Variants in TMEFF1 observed in about 807,000 individuals in gnomAD.
The protein encoded by TMEFF1 is tomoregulin-1.
TMEFF1 carries 20 observed loss-of-function variants against 47.5 expected under a neutral mutation model. The observed-to-expected ratio is 0.42, with a 90% CI of 0.30 to 0.61. TMEFF1 has a LOEUF of 0.61. TMEFF1 is among the 20% of genes least tolerant of loss of function. The pLI, the probability that TMEFF1 is intolerant of heterozygous loss-of-function variation, is 0.19. For synonymous variants in TMEFF1, 162 were observed against 166.3 expected (o/e 0.97, Z 0.20); for missense variants, 411 against 471.1 (o/e 0.87, Z 1.18).
intron 1 of TMEFF1, among the ~76,000 whole-genome samples, chr9:100,494,251 C>T (rs1442916809): frequency 2.7e-5 from 4 of 148,816 alleles, no homozygotes; most frequent in Admixed American, 6.7e-5. Flanking sequence ...AGAGCACCAG[C>T]AAGTCATGAT....
intron 5 of TMEFF1, among the ~76,000 whole-genome samples, chr9:100,526,795 T>G (rs1246021431): frequency 6.6e-6 from 1 of 151,530 alleles, no homozygotes; most frequent in African/African-American, 2.4e-5. Context: ...TTTTCTAGTC[T>G]CTGGATGACT....
At chr9:100,563,953 T>A (rs1211105889) in intron 8 of TMEFF1, among the ~76,000 whole-genome samples, 1 of 152,248 alleles carries the variant, frequency 6.6e-6, no homozygotes, top group Non-Finnish European at 1.5e-5. Flanking sequence ...CATGATATCA[T>A]GTGCACTTCT....
At chr9:100,479,080 G>A (rs1837289873) in intron 1 of TMEFF1, among the ~76,000 whole-genome samples, 2 of 152,172 alleles carry the variant, frequency 1.3e-5, no homozygotes, top group Admixed American at 6.5e-5. Flanking sequence ...GGATTCTTGG[G>A]AATAAAAGTG....
At chr9:100,495,663 A>G (rs1034586439) in intron 1 of TMEFF1, among the ~76,000 whole-genome samples, 1 of 152,318 alleles carries the variant, frequency 6.6e-6, no homozygotes, top group East Asian at 1.9e-4. Context: ...ATGAACACAC[A>G]TGAAACTAGC....
chr9:100,503,555 C>T (rs1837805387), intron 2 of TMEFF1, among the ~76,000 whole-genome samples: 1 of 151,780 alleles, frequency 6.6e-6, no homozygotes, highest in Admixed American at 6.6e-5. Context: ...CACACACACA[C>T]ACACACACAC....
At chr9:100,541,774 A>C (rs1838638270) in intron 5 of TMEFF1, among the ~76,000 whole-genome samples, 1 of 152,186 alleles carries the variant, frequency 6.6e-6, no homozygotes, top group Non-Finnish European at 1.5e-5. Flanking sequence ...GCTGAATAAA[A>C]TATTTTTATT....
At chr9:100,507,229 A>G (rs532158882) in intron 2 of TMEFF1, among the ~76,000 whole-genome samples, 4 of 152,260 alleles carry the variant, frequency 2.6e-5, no homozygotes, top group Admixed American at 2.0e-4. Flanking sequence ...CTTGGTGTAT[A>G]TATACCACAT....
At chr9:100,507,506 A>C (rs551786889) in intron 2 of TMEFF1, among the ~76,000 whole-genome samples, 186 of 152,174 alleles carry the variant, frequency 1.2e-3, no homozygotes, top group African/African-American at 4.4e-3. Flanking sequence ...TTGCAGTCCC[A>C]CAAGCATCTG....
At chr9:100,572,170 TA>T (rs1360212626) in intron 8 of TMEFF1, among the ~76,000 whole-genome samples, 1 of 151,996 alleles carries the variant, frequency 6.6e-6, no homozygotes, top group East Asian at 1.9e-4. Context: ...AAATTTAATT[TA>T]AAAAGTGAAA....
chr9:100,537,640 A>C (rs1024566864), intron 5 of TMEFF1, among the ~76,000 whole-genome samples: 1 of 152,254 alleles, frequency 6.6e-6, no homozygotes, highest in Non-Finnish European at 1.5e-5. Flanking sequence ...AGATCAGAAT[A>C]GATGGCTTTC....
chr9:100,510,776 T>G (rs1408430484), intron 3 of TMEFF1, among the ~76,000 whole-genome samples: 2 of 152,122 alleles, frequency 1.3e-5, no homozygotes, highest in Non-Finnish European at 2.9e-5. Flanking sequence ...TACCCTGATA[T>G]TCATAGTTTT....
intron 7 of TMEFF1, among the ~76,000 whole-genome samples, chr9:100,558,353 C>G (rs749677197): frequency 2.0e-5 from 3 of 151,954 alleles, no homozygotes; most frequent in African/African-American, 4.8e-5. Flanking sequence ...CCTTTCATGA[C>G]CATGTTCTGA....
intron 3 of TMEFF1, among the ~76,000 whole-genome samples, chr9:100,512,490 C>T (rs1039911753): frequency 1.3e-5 from 2 of 152,124 alleles, no homozygotes; most frequent in Non-Finnish European, 2.9e-5. Context: ...AGGGTATCCT[C>T]TCCCCTGGCA....
chr9:100,519,860 C>T (rs559892418), intron 5 of TMEFF1, among the ~76,000 whole-genome samples: 3 of 151,834 alleles, frequency 2.0e-5, no homozygotes, highest in Non-Finnish European at 4.4e-5. Flanking sequence ...TTTGACTACA[C>T]TTCATGTAAA....
rs763006109 is a variant in TMEFF1 at position 100,556,307 on chromosome 9, C to T, written c.776-5090C>T. On this transcript the variant is annotated intron_variant, in intron 7 of 9. Transcript: ENST00000374879. ...ATCTCAGCTTACTACATTTTCTCTT[C>T]GGAACCCCCATCATTAGGCTCACAT... Among the ~76,000 whole-genome samples the T allele has an allele frequency of 3.9e-5, 6 of 152,230 alleles. No individual in the cohort carries two copies. The East Asian group carries it at 7.7e-4, about 20-fold the overall frequency.
intron 3 of TMEFF1, among the ~76,000 whole-genome samples, chr9:100,512,684 T>C (rs1170179099): frequency 3.9e-5 from 6 of 152,360 alleles, no homozygotes; most frequent in African/African-American, 1.2e-4. Flanking sequence ...TTCTGGTAAC[T>C]TTGATGAAGG....
chr9:100,490,162 T>C (rs912650907), intron 1 of TMEFF1, among the ~76,000 whole-genome samples: 1 of 152,172 alleles, frequency 6.6e-6, no homozygotes, highest in African/African-American at 2.4e-5. Flanking sequence ...ATATGTGAAA[T>C]TTCTTTCGTT....
At chr9:100,485,658 A>G (rs1298701473) in intron 1 of TMEFF1, among the ~76,000 whole-genome samples, 7 of 152,026 alleles carry the variant, frequency 4.6e-5, no homozygotes, top group African/African-American at 1.4e-4. Flanking sequence ...ACTTCAACCT[A>G]TTTATCCCCC....
intron 7 of TMEFF1, among the ~76,000 whole-genome samples, chr9:100,556,227 G>A (rs192999222): frequency 6.6e-4 from 100 of 152,226 alleles, no homozygotes; most frequent in Non-Finnish European, 1.3e-3. Context: ...CATAGTGCCT[G>A]GAACGTAATA....
Sources: allele counts gnomAD v4.1 joint callset (sites outside exome capture counted in the v4.1 genomes callset), GRCh38; gene constraint gnomAD v4.1.1; transcripts MANE v1.5; gene names NCBI Gene and HGNC (gene_info 2026-07-23, HGNC 2026-07-21).